The following ATXN7L1 variants were observed in gnomAD, a reference collection of about 807,000 sequenced individuals.
ATXN7L1 encodes ataxin-7-like protein 1.
ATXN7L1 carries 15 observed loss-of-function variants against 70.8 expected under a neutral mutation model. That is an observed-to-expected ratio of 0.21 (90% CI 0.14 to 0.33). The LOEUF is 0.33. Ranked by LOEUF, ATXN7L1 falls within the 10% of genes least tolerant of loss-of-function variation. ATXN7L1 has a pLI of 1.00. For synonymous variants in ATXN7L1, 440 were observed against 445.1 expected, an observed-to-expected ratio of 0.99 and a Z score of 0.14; for missense variants, 975 against 1,097.1, an observed-to-expected ratio of 0.89 and a Z score of 1.57.
intron 3 of ATXN7L1, among the ~76,000 whole-genome samples, chr7:105,749,038 A>C (rs531910746): frequency 1.3e-5 from 2 of 152,348 alleles, no homozygotes; most frequent in South Asian, 4.1e-4. Context: ...TTGGGGGCAC[A>C]GGAATTCGCC....
intron 8 of ATXN7L1, among the ~76,000 whole-genome samples, 158 bp from the exon 9 acceptor site, chr7:105,620,479 T>C (rs1055203427): frequency 1.3e-5 from 2 of 152,196 alleles, no homozygotes; most frequent in Non-Finnish European, 2.9e-5. Flanking sequence ...AGTTCTGTAG[T>C]TTGAGCTCTG....
At chr7:105,685,506 C>A (rs1406700497) in intron 3 of ATXN7L1, among the ~76,000 whole-genome samples, 1 of 152,170 alleles carries the variant, frequency 6.6e-6, no homozygotes, top group Non-Finnish European at 1.5e-5. Flanking sequence ...GATCTCCTCT[C>A]CTGGTAGCAA....
intron 3 of ATXN7L1, among the ~76,000 whole-genome samples, chr7:105,670,877 C>T (rs1332636167): frequency 3.3e-5 from 5 of 151,832 alleles, no homozygotes; most frequent in Admixed American, 1.3e-4. Flanking sequence ...GAGGCCGAGG[C>T]GGATGGATCA....
chr7:105,751,952 A>G (rs953947899), intron 3 of ATXN7L1, among the ~76,000 whole-genome samples: 4 of 152,254 alleles, frequency 2.6e-5, no homozygotes, highest in Admixed American at 2.6e-4. Context: ...AAAACCACCC[A>G]TATCAGCTCT....
At chr7:105,798,728 T>C (rs547576315) in intron 2 of ATXN7L1, among the ~76,000 whole-genome samples, 8 of 152,334 alleles carry the variant, frequency 5.3e-5, no homozygotes, top group African/African-American at 1.4e-4. Flanking sequence ...GACATTTAAG[T>C]AGACTTTGGA....
intron 3 of ATXN7L1, among the ~76,000 whole-genome samples, chr7:105,670,972 G>A (rs1289636393): frequency 1.3e-5 from 2 of 152,072 alleles, no homozygotes; most frequent in Non-Finnish European, 1.5e-5. Flanking sequence ...CCGGCGAGGT[G>A]GCGGGCGCCT....
intron 3 of ATXN7L1, among the ~76,000 whole-genome samples, chr7:105,772,464 T>G (rs1258704979): frequency 6.6e-6 from 1 of 151,934 alleles, no homozygotes; most frequent in Non-Finnish European, 1.5e-5. Context: ...AATAAAAGAT[T>G]GGAAAGAAAT....
At chr7:105,830,635 T>C (rs1811473739) in intron 2 of ATXN7L1, among the ~76,000 whole-genome samples, 1 of 152,276 alleles carries the variant, frequency 6.6e-6, no homozygotes, top group Non-Finnish European at 1.5e-5. Flanking sequence ...AGAGCCTGTG[T>C]TGGGAGGATT....
At chr7:105,611,623 C>T (rs961508692) in intron 10 of ATXN7L1, among the ~76,000 whole-genome samples, 15 of 152,230 alleles carry the variant, frequency 9.9e-5, no homozygotes, top group African/African-American at 3.1e-4. Flanking sequence ...CCACCCATCT[C>T]GGCCTCCCGA....
At chr7:105,746,941 C>A (rs573089938) in intron 3 of ATXN7L1, among the ~76,000 whole-genome samples, 3 of 152,154 alleles carry the variant, frequency 2.0e-5, no homozygotes, top group Admixed American at 6.5e-5. Context: ...TCACTGTATA[C>A]CCTTCTGTGA....
At chr7:105,702,706 G>A (rs1276653447) in intron 3 of ATXN7L1, among the ~76,000 whole-genome samples, 3 of 152,326 alleles carry the variant, frequency 2.0e-5, no homozygotes, top group South Asian at 2.1e-4. Flanking sequence ...GAGGCCTGGC[G>A]TGGTGGCTCA....
intron 2 of ATXN7L1, among the ~76,000 whole-genome samples, chr7:105,864,456 CAAAAAAAAAAAAA>C (rs34739253): frequency 4.9e-5 from 2 of 41,062 alleles, no homozygotes; most frequent in Non-Finnish European, 7.9e-5. Context: ...GGCCCTGTCT[CAAAAAAAAAAAAA>C]AAAAAAAAAA....
chr7:105,753,932 G>GT (rs1313465674), intron 3 of ATXN7L1, among the ~76,000 whole-genome samples: 1 of 152,128 alleles, frequency 6.6e-6, no homozygotes. Context: ...GATGTGGGTT[G>GT]TAAGGATCCA....
intron 2 of ATXN7L1, among the ~76,000 whole-genome samples, chr7:105,802,572 T>G (rs1180886446): frequency 2.0e-5 from 3 of 152,182 alleles, no homozygotes; most frequent in Admixed American, 1.3e-4. Flanking sequence ...TGGAAGGACA[T>G]GGTTTGAAAA....
intron 3 of ATXN7L1, among the ~76,000 whole-genome samples, chr7:105,782,794 T>C (rs576823562): frequency 6.6e-5 from 10 of 152,316 alleles, no homozygotes; most frequent in African/African-American, 2.4e-4. Flanking sequence ...AATGTAATCA[T>C]ATTCAGGCCA....
At chr7:105,827,172 CA>C (rs1216762636) in intron 2 of ATXN7L1, among the ~76,000 whole-genome samples, 7 of 152,334 alleles carry the variant, frequency 4.6e-5, no homozygotes, top group African/African-American at 1.7e-4. Flanking sequence ...GAAAATCTGA[CA>C]GTCAAAGTGG....
intron 3 of ATXN7L1, among the ~76,000 whole-genome samples, chr7:105,754,633 A>AT (rs998003785): frequency 1.3e-5 from 2 of 151,802 alleles, no homozygotes; most frequent in Non-Finnish European, 2.9e-5. Context: ...CATATTTTAA[A>AT]TTTTTTTGTA....
intron 2 of ATXN7L1, among the ~76,000 whole-genome samples, chr7:105,831,643 G>C (rs1042727070): frequency 3.9e-5 from 6 of 152,242 alleles, no homozygotes; most frequent in Non-Finnish European, 7.3e-5. Context: ...AGAACAATGT[G>C]ATAGTCCTAC....
In ATXN7L1 at chr7:105,614,442, T is replaced by A. The variant is rs1584295809; in HGVS notation, c.1892A>T (p.Asp631Val). ...AGACTCGTCGCTACGGGTGGACAGG[T>A]CTTTGACTTTTGAGGATTTGCTGGT... ...TKTSKSSKVK[D>V]LSTRSDESPS... The change falls in exon 10 of 12, where the codon GAC becomes GTC. Residue 631 changes from aspartate (D) to valine (V), a missense_variant. Transcript: ENST00000419735. The surrounding 1 kb of genome is among the most constrained non-coding windows in gnomAD (Gnocchi z 4.3). 1 of 1,544,740 alleles carries A rather than the reference T, an allele frequency of 6.5e-7. No homozygotes were observed. The highest frequency in any genetic ancestry group is 1.2e-5 in the South Asian group (1 of 83,448).
Sources: allele counts gnomAD v4.1 joint callset (sites outside exome capture counted in the v4.1 genomes callset), GRCh38; gene constraint gnomAD v4.1.1; non-coding constraint Gnocchi (gnomAD v3.1); transcripts MANE v1.5; gene names NCBI Gene and HGNC (gene_info 2026-07-23, HGNC 2026-07-21).